PPARGC1A: variants seen among roughly 807,000 people sequenced by gnomAD.
PPARGC1A encodes the protein peroxisome proliferator-activated receptor gamma coactivator 1-alpha.
PPARGC1A carries 25 observed loss-of-function variants against 88.7 expected under a neutral mutation model. The observed-to-expected ratio is 0.28, with a 90% confidence interval of 0.21 to 0.39. The LOEUF (loss-of-function observed/expected upper bound fraction) is 0.39. PPARGC1A is among the 10% of genes least tolerant of loss of function. PPARGC1A has a pLI of 1.00. For missense variants in PPARGC1A, 880 were observed against 968.7 expected, an observed-to-expected ratio of 0.91 and a Z score of 1.22; for synonymous variants, 363 against 355.6, an observed-to-expected ratio of 1.02 and a Z score of -0.24.
At chr4:24,088,919 T>C in the PPARGC1A span, among the ~76,000 whole-genome samples, 5 of 152,300 alleles carry the variant, frequency 3.3e-5, no homozygotes, top group East Asian at 1.9e-4. Context: ...GGGCAGGTTA[T>C]GTAACCTCTC....
the PPARGC1A span, among the ~76,000 whole-genome samples, chr4:24,291,468 T>G: frequency 1.5e-4 from 11 of 73,076 alleles, no homozygotes; most frequent in Non-Finnish European, 2.2e-4. Context: ...TTCACTGGGC[T>G]CTGTTCTCTG....
chr4:24,305,579 G>A, the PPARGC1A span, among the ~76,000 whole-genome samples: 16,760 of 152,136 alleles, frequency 0.11, 1,419 homozygotes, highest in African/African-American at 0.23. Context: ...TTGGGAAGCC[G>A]AGGCAGGTGG....
the PPARGC1A span, among the ~76,000 whole-genome samples, chr4:23,948,372 G>T: frequency 6.6e-6 from 1 of 152,212 alleles, no homozygotes; most frequent in Non-Finnish European, 1.5e-5. Flanking sequence ...AGACAACAAG[G>T]CATTTACTAA....
chr4:24,266,602 T>C, the PPARGC1A span, among the ~76,000 whole-genome samples: 1 of 151,202 alleles, frequency 6.6e-6, no homozygotes, highest in African/African-American at 2.4e-5. Context: ...TTGAAGAAAA[T>C]AAAAAAAGGA....
the PPARGC1A span, among the ~76,000 whole-genome samples, chr4:24,454,938 G>A: frequency 4.0e-5 from 6 of 151,854 alleles, no homozygotes; most frequent in Admixed American, 3.9e-4. Flanking sequence ...AGGAACAAGA[G>A]ATCCAAGTTA....
intron 7 of PPARGC1A, among the ~76,000 whole-genome samples, chr4:23,816,790 A>G (rs145244660): frequency 1.3e-5 from 2 of 152,308 alleles, no homozygotes; most frequent in African/African-American, 4.8e-5. Flanking sequence ...ATTGATACCA[A>G]TCACATATTA....
At chr4:24,185,555 G>A in the PPARGC1A span, among the ~76,000 whole-genome samples, 1,036 of 152,284 alleles carry the variant, frequency 6.8e-3, 8 homozygotes, top group African/African-American at 0.023. Flanking sequence ...TCACCAGTAC[G>A]AGAAGCAAGT....
chr4:24,239,899 C>A, the PPARGC1A span, among the ~76,000 whole-genome samples: 8 of 151,348 alleles, frequency 5.3e-5, no homozygotes, highest in African/African-American at 2.0e-4. Context: ...GGAGTTTCTT[C>A]TACCTGTCTC....
At chr4:24,463,399 G>T in the PPARGC1A span, among the ~76,000 whole-genome samples, 8 of 152,130 alleles carry the variant, frequency 5.3e-5, no homozygotes, top group Non-Finnish European at 1.0e-4. Context: ...AAATTAAGAG[G>T]TTTAGCAAGC....
At chr4:23,809,673 G>A (rs1720506398) in intron 10 of PPARGC1A, among the ~76,000 whole-genome samples, 1 of 152,210 alleles carries the variant, frequency 6.6e-6, no homozygotes, top group Admixed American at 6.5e-5. Context: ...ATATCAATTT[G>A]TGATTGATAT....
At chr4:24,049,292 G>GTA in the PPARGC1A span, among the ~76,000 whole-genome samples, 2,607 of 92,564 alleles carry the variant, frequency 0.028, 38 homozygotes, top group African/African-American at 0.049. Flanking sequence ...ATATATGTGT[G>GTA]TATATATATA....
the PPARGC1A span, among the ~76,000 whole-genome samples, chr4:24,288,649 G>A: frequency 6.6e-6 from 1 of 152,170 alleles, no homozygotes; most frequent in Non-Finnish European, 1.5e-5. Context: ...GGATGCGAAA[G>A]ACTAACAAAA....
chr4:24,316,485 C>A, the PPARGC1A span, among the ~76,000 whole-genome samples: 41 of 152,166 alleles, frequency 2.7e-4, no homozygotes, highest in Non-Finnish European at 4.6e-4. Flanking sequence ...TGCTGAGGAG[C>A]CTTAGCTACA....
chr4:23,958,311 T>A, the PPARGC1A span, among the ~76,000 whole-genome samples: 2 of 152,240 alleles, frequency 1.3e-5, no homozygotes, highest in South Asian at 2.1e-4. Context: ...CAATTTGAAA[T>A]CCTTATTAGA....
chr4:24,013,796 T>C, the PPARGC1A span, among the ~76,000 whole-genome samples: 1 of 152,140 alleles, frequency 6.6e-6, no homozygotes, highest in African/African-American at 2.4e-5. Context: ...AATTCGTACC[T>C]AAGGAAGTCA....
At chr4:23,915,865 G>C in the PPARGC1A span, among the ~76,000 whole-genome samples, 3 of 152,188 alleles carry the variant, frequency 2.0e-5, no homozygotes, top group African/African-American at 7.2e-5. Context: ...AAAAGTATTT[G>C]GAGCAGAAGA....
the PPARGC1A span, among the ~76,000 whole-genome samples, chr4:24,081,084 T>C: frequency 1.3e-5 from 2 of 152,122 alleles, no homozygotes; most frequent in African/African-American, 4.8e-5. Flanking sequence ...TGCTTCCTCA[T>C]AGTTCTTCAA....
the PPARGC1A span, among the ~76,000 whole-genome samples, chr4:24,374,687 G>A: frequency 6.6e-6 from 1 of 151,968 alleles, no homozygotes; most frequent in Non-Finnish European, 1.5e-5. Context: ...TCAAAAACAC[G>A]AGATGCCACT....
At chr4:24,427,809 A>G in the PPARGC1A span, among the ~76,000 whole-genome samples, 5 of 152,210 alleles carry the variant, frequency 3.3e-5, no homozygotes, top group South Asian at 4.2e-4. Flanking sequence ...GTCTCCCACA[A>G]TAAAGAATTA....
Sources: gnomAD v4.1 joint callset for allele counts (sites outside exome capture counted in the v4.1 genomes callset) on GRCh38, gnomAD v4.1.1 for gene constraint, MANE v1.5 for transcripts, NCBI Gene and HGNC (gene_info 2026-07-23, HGNC 2026-07-21) for gene names.